ITGAE: variants seen among roughly 807,000 people sequenced by gnomAD.
ITGAE encodes the protein integrin alpha-E.
A neutral mutation model predicts 136.5 loss-of-function variants in ITGAE; 99 were observed. That is an observed-to-expected ratio of 0.73 (90% confidence interval 0.62 to 0.86). The LOEUF (loss-of-function observed/expected upper bound fraction) is 0.86, where lower values mean the gene tolerates loss of function less well. ITGAE is among the 40% of genes least tolerant of loss of function. ITGAE has a pLI of 0.00. For synonymous variants in ITGAE, 613 were observed against 591.8 expected (o/e 1.04, Z -0.52); for missense variants, 1,447 against 1,515.3 (o/e 0.95, Z 0.75).
chr17:3,760,930 G>A (rs1203991733), intron 6 of ITGAE, 83 bp downstream of exon 6: 4 of 1,514,012 alleles, frequency 2.6e-6, no homozygotes, highest in Non-Finnish European at 2.6e-6. Flanking sequence ...CTCTCAGACT[G>A]AGGCACCCCT....
intron 2 of ITGAE, among the ~76,000 whole-genome samples, chr17:3,771,829 G>C (rs896974506): frequency 1.3e-5 from 2 of 152,086 alleles, no homozygotes; most frequent in African/African-American, 4.8e-5. Flanking sequence ...GAGCCCCCGC[G>C]CCCAGCCGGG....
At chr17:3,744,047 G>C (rs569146679) in intron 18 of ITGAE, among the ~76,000 whole-genome samples, 83 of 148,376 alleles carry the variant, frequency 5.6e-4, no homozygotes, top group African/African-American at 2.1e-3. Flanking sequence ...CACTCACTCT[G>C]TCACCCAGTC....
At chr17:3,751,967 G>T (rs1001634821) in intron 14 of ITGAE, 93 bp from the exon 15 acceptor site, 23 of 1,114,546 alleles carry the variant, frequency 2.1e-5, no homozygotes, top group African/African-American at 1.7e-4. Context: ...GCCGGTGGGT[G>T]CCCACTCCAT....
chr17:3,741,894 T>C (rs1449337424), intron 19 of ITGAE, among the ~76,000 whole-genome samples: 3 of 152,080 alleles, frequency 2.0e-5, no homozygotes, highest in East Asian at 3.9e-4. Flanking sequence ...CTGGCCAACA[T>C]AGTGAAACCC....
At position 3,724,783 on chromosome 17, in the gene ITGAE, G is replaced by A. The variant is rs766837213; in HGVS notation, c.3085-1039C>T. 13 of 1,614,102 alleles carry A rather than the reference G, an allele frequency of 8.1e-6. No homozygotes were observed. In the South Asian group the frequency reaches 1.1e-4, roughly 14 times the overall value. On this transcript the variant is annotated intron_variant, in intron 26 of 30. Coordinates refer to ENST00000263087, the MANE Select transcript of ITGAE (RefSeq NM_002208.5). ...CTGGTGGTGGGAAATGGACCAGAGG[G>A]TCCAGGTCTGTCAAGCACAGGCAAG...
chr17:3,725,091 G>A, intron 26 of ITGAE: 2 of 1,614,166 alleles, frequency 1.2e-6, no homozygotes, highest in Non-Finnish European at 1.7e-6. Flanking sequence ...CAAAACCAGG[G>A]CTTCCTTCAG....
chr17:3,719,029 C>T (rs990362296), intron 29 of ITGAE, among the ~76,000 whole-genome samples: 7 of 151,672 alleles, frequency 4.6e-5, no homozygotes, highest in Non-Finnish European at 4.4e-5. Flanking sequence ...GTCAGAAGTT[C>T]GAGACCAGCC....
At chr17:3,736,872 A>G (rs1029581423) in intron 20 of ITGAE, among the ~76,000 whole-genome samples, 1 of 151,234 alleles carries the variant, frequency 6.6e-6, no homozygotes, top group Admixed American at 6.6e-5. Context: ...TTTTGTTCCC[A>G]TTGTTTGGTT....
rs774696729 is a variant in ITGAE at position 3,801,081 on chromosome 17, C to T, written c.34+30G>A. ...CTGGCTGGAGCTGAGGGCACAGCAG[C>T]CCCTCGAAGCAGCGGGTGAGAGGAC... On this transcript the variant is annotated intron_variant, in intron 1 of 30. Transcript: ENST00000263087. 1.8e-5 allele frequency: 29 copies of T among 1,612,082 alleles called. 1 individual carries two copies. In the South Asian group the frequency reaches 3.1e-4, roughly 17 times the overall value.
At chr17:3,732,025 G>T (rs1821139032) in intron 22 of ITGAE, among the ~76,000 whole-genome samples, 1 of 152,130 alleles carries the variant, frequency 6.6e-6, no homozygotes, top group Non-Finnish European at 1.5e-5. Flanking sequence ...GCAGTGAGCT[G>T]AGACTGTGCC....
intron 21 of ITGAE, 23 bp from the exon 22 acceptor site, chr17:3,732,489 T>TCTC: frequency 6.3e-7 from 1 of 1,584,384 alleles, no homozygotes; most frequent in Non-Finnish European, 8.7e-7. Context: ...CAGATGACAT[T>TCTC]CTCTTAAAGA....
chr17:3,716,102 G>A (rs1305607212), intron 30 of ITGAE, among the ~76,000 whole-genome samples: 1 of 151,714 alleles, frequency 6.6e-6, no homozygotes, highest in East Asian at 1.9e-4. Flanking sequence ...TGGGGGGAAG[G>A]GAAGGTTGCA....
chr17:3,744,448 T>TC (rs1567526865), intron 18 of ITGAE, among the ~76,000 whole-genome samples: 3 of 26,694 alleles, frequency 1.1e-4, no homozygotes, highest in Non-Finnish European at 6.4e-5. Flanking sequence ...TTCTTTCTCT[T>TC]TTTTTTTTTT....
At chr17:3,723,143 C>A (rs991146330) in intron 28 of ITGAE, 145 bp downstream of exon 28, 1 of 605,650 alleles carries the variant, frequency 1.7e-6, no homozygotes, top group Non-Finnish European at 3.0e-6. Context: ...AGCTAAGGAA[C>A]GGGTTGGGAC....
intron 26 of ITGAE, chr17:3,724,089 G>T: frequency 6.3e-7 from 1 of 1,595,472 alleles, no homozygotes; most frequent in Non-Finnish European, 8.5e-7. Flanking sequence ...CAGCAGCGAC[G>T]CCAGCATCGG....
intron 21 of ITGAE, among the ~76,000 whole-genome samples, chr17:3,733,548 G>A (rs1298398491): frequency 2.0e-5 from 3 of 152,124 alleles, no homozygotes; most frequent in East Asian, 3.9e-4. Flanking sequence ...AGCCTCCCGA[G>A]TAGCTGGGAT....
intron 26 of ITGAE, chr17:3,724,933 G>A: frequency 6.2e-7 from 1 of 1,613,772 alleles, no homozygotes; most frequent in Non-Finnish European, 8.5e-7. Context: ...AGGCTGGAGA[G>A]AACTAGATCA....
chr17:3,763,330 A>ATTCATTCG (rs2052219694), intron 3 of ITGAE, among the ~76,000 whole-genome samples: 1 of 152,060 alleles, frequency 6.6e-6, no homozygotes, highest in Non-Finnish European at 1.5e-5. Flanking sequence ...TCATTCATTC[A>ATTCATTCG]TTCATTCAAA....
At chr17:3,761,304 C>G (rs760603151) in intron 5 of ITGAE, 99 bp downstream of exon 5, 9 of 1,542,590 alleles carry the variant, frequency 5.8e-6, no homozygotes, top group Non-Finnish European at 7.9e-6. Flanking sequence ...CCACTGTGGG[C>G]CTGCGTCCCA....
Sources: allele counts gnomAD v4.1 joint callset (sites outside exome capture counted in the v4.1 genomes callset), GRCh38; gene constraint gnomAD v4.1.1; transcripts MANE v1.5; gene names NCBI Gene and HGNC (gene_info 2026-07-23, HGNC 2026-07-21).